Variants in MPPED2 observed in about 807,000 individuals in gnomAD.
MPPED2 encodes metallophosphoesterase domain containing 2.
In MPPED2, 5 loss-of-function variants were observed where a neutral mutation model predicts 33.0. The observed-to-expected ratio is 0.15, with a 90% confidence interval of 0.08 to 0.32. The LOEUF (loss-of-function observed/expected upper bound fraction) is 0.32, where lower values mean the gene tolerates loss of function less well. Ranked by LOEUF, MPPED2 falls within the 10% of genes least tolerant of loss-of-function variation. The pLI, the probability that MPPED2 is intolerant of heterozygous loss-of-function variation, is 1.00. For missense variants in MPPED2, 275 were observed against 372.1 expected (o/e 0.74, Z 2.15); for synonymous variants, 136 against 141.9 (o/e 0.96, Z 0.29).
At chr11:30,467,702 C>T (rs990938387) in intron 4 of MPPED2, among the ~76,000 whole-genome samples, 1 of 152,194 alleles carries the variant, frequency 6.6e-6, no homozygotes, top group African/African-American at 2.4e-5. Flanking sequence ...TAAAAACAAA[C>T]AAACAAATAT....
At chr11:30,483,954 T>A (rs1018493112) in intron 4 of MPPED2, among the ~76,000 whole-genome samples, 1 of 152,230 alleles carries the variant, frequency 6.6e-6, no homozygotes, top group South Asian at 2.1e-4. Flanking sequence ...TAGTTCTATA[T>A]GCAATCATTT....
intron 4 of MPPED2, among the ~76,000 whole-genome samples, chr11:30,435,780 A>G (rs1949297111): frequency 6.6e-6 from 1 of 152,042 alleles, no homozygotes; most frequent in East Asian, 1.9e-4. Flanking sequence ...CCCCAACCTC[A>G]TGTCAATCTG....
At chr11:30,572,243 CT>C (rs1287640563) in intron 2 of MPPED2, among the ~76,000 whole-genome samples, 8 of 152,188 alleles carry the variant, frequency 5.3e-5, no homozygotes, top group Admixed American at 5.2e-4. Flanking sequence ...CAACATACAG[CT>C]AGGGTTCTAG....
intron 4 of MPPED2, among the ~76,000 whole-genome samples, chr11:30,452,866 A>G (rs1950122724): frequency 6.6e-6 from 1 of 152,148 alleles, no homozygotes; most frequent in Non-Finnish European, 1.5e-5. Flanking sequence ...GGAAACTTAC[A>G]GCAAAAGAGG....
At chr11:30,572,989 A>G (rs984688086) in intron 2 of MPPED2, among the ~76,000 whole-genome samples, 19 of 152,316 alleles carry the variant, frequency 1.2e-4, no homozygotes, top group African/African-American at 4.6e-4. Flanking sequence ...GAGAGGCCCT[A>G]CTTGCTAAAT....
intron 2 of MPPED2, among the ~76,000 whole-genome samples, chr11:30,538,801 T>C (rs769375037): frequency 5.9e-5 from 9 of 151,894 alleles, no homozygotes; most frequent in Admixed American, 3.3e-4. Context: ...GCACAGAAGA[T>C]CGATTCAAGG....
chr11:30,551,283 T>C (rs1053435044), intron 2 of MPPED2, among the ~76,000 whole-genome samples: 8 of 152,308 alleles, frequency 5.3e-5, no homozygotes, highest in Admixed American at 5.2e-4. Flanking sequence ...CCCTATAAGG[T>C]AGGTATTATT....
chr11:30,474,840 T>C (rs1458517090), intron 4 of MPPED2, among the ~76,000 whole-genome samples: 1 of 152,186 alleles, frequency 6.6e-6, no homozygotes, highest in Non-Finnish European at 1.5e-5. Context: ...CATTTTGAGT[T>C]GATGTCTTAT....
At chr11:30,553,488 G>A (rs1438736314) in intron 2 of MPPED2, among the ~76,000 whole-genome samples, 2 of 152,122 alleles carry the variant, frequency 1.3e-5, no homozygotes, top group African/African-American at 2.4e-5. Flanking sequence ...CATTTCTTAT[G>A]GTTCAAACAA....
intron 2 of MPPED2, among the ~76,000 whole-genome samples, chr11:30,548,796 C>T (rs1416221648): frequency 6.6e-6 from 1 of 152,046 alleles, no homozygotes; most frequent in East Asian, 1.9e-4. Flanking sequence ...AGTCATAGTG[C>T]CAAATTTACA....
At chr11:30,446,977 G>A (rs1949840241) in intron 4 of MPPED2, among the ~76,000 whole-genome samples, 1 of 152,210 alleles carries the variant, frequency 6.6e-6, no homozygotes, top group Admixed American at 6.5e-5. Flanking sequence ...AACGTATTGG[G>A]TGTTCTAGCA....
chr11:30,405,845 T>C (rs1947981155), downstream of MPPED2, among the ~76,000 whole-genome samples: 1 of 152,164 alleles, frequency 6.6e-6, no homozygotes, highest in African/African-American at 2.4e-5. Flanking sequence ...TATTAATGTA[T>C]CAATTCTGAC....
chr11:30,578,594 G>C (rs986387190), intron 2 of MPPED2, among the ~76,000 whole-genome samples: 1 of 152,206 alleles, frequency 6.6e-6, no homozygotes, highest in Non-Finnish European at 1.5e-5. Context: ...CTGCAGACTT[G>C]AGAACTAAGC....
intron 6 of MPPED2, among the ~76,000 whole-genome samples, chr11:30,413,348 G>A (rs937040233): frequency 2.0e-5 from 3 of 152,346 alleles, no homozygotes; most frequent in South Asian, 2.1e-4. Context: ...GGCTGCCCAC[G>A]TAAACACGGC....
At chr11:30,474,022 C>T (rs1207004594) in intron 4 of MPPED2, among the ~76,000 whole-genome samples, 2 of 152,196 alleles carry the variant, frequency 1.3e-5, no homozygotes, top group African/African-American at 2.4e-5. Flanking sequence ...CCCAGCTAAG[C>T]TGCACCTTGG....
intron 2 of MPPED2, among the ~76,000 whole-genome samples, chr11:30,540,776 C>T (rs1287721168): frequency 6.6e-6 from 1 of 152,136 alleles, no homozygotes; most frequent in Non-Finnish European, 1.5e-5. Flanking sequence ...TCTGAAATAA[C>T]AAGAAAATAA....
intron 3 of MPPED2, among the ~76,000 whole-genome samples, chr11:30,532,248 C>T (rs974009113): frequency 4.6e-5 from 7 of 152,160 alleles, no homozygotes; most frequent in African/African-American, 1.4e-4. Flanking sequence ...TCTGCGAAAC[C>T]GTGGACAATT....
intron 2 of MPPED2, among the ~76,000 whole-genome samples, chr11:30,554,937 C>T (rs1451062553): frequency 6.6e-6 from 1 of 152,182 alleles, no homozygotes; most frequent in Admixed American, 6.5e-5. Flanking sequence ...ACAATTCACA[C>T]CAGCCCCAAA....
intron 4 of MPPED2, among the ~76,000 whole-genome samples, chr11:30,479,358 A>G (rs192187138): frequency 1.3e-3 from 195 of 152,270 alleles, no homozygotes; most frequent in African/African-American, 4.6e-3. Flanking sequence ...ATGTCAAAAG[A>G]TATCTCCACT....
Sources: allele counts gnomAD v4.1 joint callset (sites outside exome capture counted in the v4.1 genomes callset), GRCh38; gene constraint gnomAD v4.1.1; transcripts MANE v1.5; gene names NCBI Gene and HGNC (gene_info 2026-07-23, HGNC 2026-07-21).